Variants in RSPO3 observed in about 807,000 individuals in gnomAD.
RSPO3 encodes the protein R-spondin 3, also known as R-spondin-3.
RSPO3 carries 17 observed loss-of-function variants against 36.5 expected under a neutral mutation model. That is an observed-to-expected ratio of 0.47 (90% confidence interval 0.32 to 0.70). The LOEUF is 0.70. Ranked by LOEUF, RSPO3 falls within the 30% of genes least tolerant of loss-of-function variation. RSPO3 has a pLI of 0.04. For synonymous variants in RSPO3, 108 were observed against 107.0 expected, an observed-to-expected ratio of 1.01 and a Z score of -0.06; for missense variants, 294 against 322.5, an observed-to-expected ratio of 0.91 and a Z score of 0.68.
At chr6:127,175,836 C>T (rs1276356900) in intron 4 of RSPO3, among the ~76,000 whole-genome samples, 2 of 151,716 alleles carry the variant, frequency 1.3e-5, no homozygotes, top group Non-Finnish European at 2.9e-5. Context: ...TTATTTAAGA[C>T]TCGTTCACCA....
chr6:127,193,630 A>G (rs933393220), intron 4 of RSPO3, among the ~76,000 whole-genome samples: 5 of 152,202 alleles, frequency 3.3e-5, no homozygotes, highest in African/African-American at 1.2e-4. Context: ...TGTGAAAACT[A>G]AGCACATAGC....
At chr6:127,156,489 G>T (rs907101596) in intron 4 of RSPO3, among the ~76,000 whole-genome samples, 2 of 152,112 alleles carry the variant, frequency 1.3e-5, no homozygotes, top group Non-Finnish European at 2.9e-5. Flanking sequence ...GTTATCTGGT[G>T]AGTCTATAAA....
chr6:127,132,088 C>T (rs1287712176), intron 1 of RSPO3, among the ~76,000 whole-genome samples: 1 of 152,012 alleles, frequency 6.6e-6, no homozygotes, highest in Non-Finnish European at 1.5e-5. Context: ...AATTGTGTAA[C>T]CAGGAATCTC....
chr6:127,181,258 T>C (rs1018755132), intron 4 of RSPO3, among the ~76,000 whole-genome samples: 3 of 151,902 alleles, frequency 2.0e-5, no homozygotes, highest in Non-Finnish European at 2.9e-5. Flanking sequence ...GTATCTTGAA[T>C]GATGTATGTA....
chr6:127,192,572 C>A (rs1456715533), intron 4 of RSPO3: 1 of 727,790 alleles, frequency 1.4e-6, no homozygotes, highest in African/African-American at 1.9e-5. Flanking sequence ...TGCTTCTCTG[C>A]AAGGGCTCAG....
intron 3 of RSPO3, among the ~76,000 whole-genome samples, chr6:127,153,107 A>C (rs1445129226): frequency 6.6e-6 from 1 of 152,072 alleles, no homozygotes; most frequent in African/African-American, 2.4e-5. Context: ...ATTCCCAGGG[A>C]CCGGAGCTCA....
At chr6:127,181,409 T>G (rs1188745293) in intron 4 of RSPO3, among the ~76,000 whole-genome samples, 1 of 151,864 alleles carries the variant, frequency 6.6e-6, no homozygotes, top group Non-Finnish European at 1.5e-5. Context: ...GTAGTGCAAA[T>G]CATTTGTGAG....
chr6:127,135,419 A>T (rs1435096628), intron 1 of RSPO3, among the ~76,000 whole-genome samples: 14 of 45,328 alleles, frequency 3.1e-4, no homozygotes, highest in African/African-American at 1.5e-3. Flanking sequence ...GAATCCATAA[A>T]AAAAAAAAAA....
chr6:127,180,525 C>T (rs1299921750), intron 4 of RSPO3, among the ~76,000 whole-genome samples: 2 of 112,738 alleles, frequency 1.8e-5, no homozygotes, highest in Admixed American at 9.0e-5. Context: ...ACCACCAGAT[C>T]TTTGCAAAAA....
At chr6:127,190,070 A>G (rs541721829) in intron 4 of RSPO3, among the ~76,000 whole-genome samples, 3 of 152,178 alleles carry the variant, frequency 2.0e-5, no homozygotes, top group Non-Finnish European at 4.4e-5. Flanking sequence ...CCCCCACAAA[A>G]GAAAAAAGTC....
chr6:127,188,589 CATAT>C (rs34168265), intron 4 of RSPO3, among the ~76,000 whole-genome samples: 6 of 147,286 alleles, frequency 4.1e-5, no homozygotes, highest in African/African-American at 9.9e-5. Flanking sequence ...TTTCAAGTTA[CATAT>C]ATATATATAT....
At chr6:127,172,762 A>G (rs992944798) in intron 4 of RSPO3, among the ~76,000 whole-genome samples, 7 of 151,766 alleles carry the variant, frequency 4.6e-5, no homozygotes, top group Non-Finnish European at 1.5e-5. Flanking sequence ...TTGCAGGCAT[A>G]TATGCATTAT....
At chr6:127,125,042 T>C (rs1773913575) in intron 1 of RSPO3, among the ~76,000 whole-genome samples, 1 of 152,140 alleles carries the variant, frequency 6.6e-6, no homozygotes, top group Non-Finnish European at 1.5e-5. Flanking sequence ...AAAAACAGGG[T>C]TGCAGGTGCC....
chr6:127,131,690 C>G (rs1195499426), intron 1 of RSPO3, among the ~76,000 whole-genome samples: 2 of 152,034 alleles, frequency 1.3e-5, no homozygotes, highest in African/African-American at 4.8e-5. Context: ...ATTTATAAAA[C>G]AGTGCTGCAT....
At chr6:127,159,534 T>C (rs948531753) in intron 4 of RSPO3, among the ~76,000 whole-genome samples, 1 of 152,118 alleles carries the variant, frequency 6.6e-6, no homozygotes, top group Non-Finnish European at 1.5e-5. Flanking sequence ...GTGGGAATCA[T>C]TGTATTACTG....
At chr6:127,167,765 C>T (rs1411766620) in intron 4 of RSPO3, among the ~76,000 whole-genome samples, 1 of 152,014 alleles carries the variant, frequency 6.6e-6, no homozygotes, top group East Asian at 1.9e-4. Flanking sequence ...CCCCCATCCC[C>T]CCATCCCACA....
intron 4 of RSPO3, among the ~76,000 whole-genome samples, chr6:127,181,858 C>G (rs1775193607): frequency 6.6e-6 from 1 of 151,822 alleles, no homozygotes; most frequent in South Asian, 2.1e-4. Flanking sequence ...TTCTACCTGT[C>G]TCAGTACATT....
intron 2 of RSPO3, among the ~76,000 whole-genome samples, chr6:127,149,357 A>G (rs780610743): frequency 1.3e-5 from 2 of 152,018 alleles, no homozygotes; most frequent in Non-Finnish European, 2.9e-5. Flanking sequence ...TTCAAATACC[A>G]TATGTAGTTC....
At chr6:127,186,526 T>C (rs1775298186) in intron 4 of RSPO3, among the ~76,000 whole-genome samples, 1 of 152,088 alleles carries the variant, frequency 6.6e-6, no homozygotes, top group Admixed American at 6.6e-5. Flanking sequence ...ACTGTGTTAC[T>C]GGAATATGTG....
Sources: allele counts gnomAD v4.1 joint callset (sites outside exome capture counted in the v4.1 genomes callset), GRCh38; gene constraint gnomAD v4.1.1; transcripts MANE v1.5; gene names NCBI Gene and HGNC (gene_info 2026-07-23, HGNC 2026-07-21).